MAST4: variants seen among roughly 807,000 people sequenced by gnomAD.
The protein encoded by MAST4 is microtubule-associated serine/threonine-protein kinase 4.
In MAST4, 89 loss-of-function variants were observed where a neutral mutation model predicts 162.7. The ratio of observed to expected loss-of-function variants is 0.55; its 90% confidence interval spans 0.46 to 0.65. The LOEUF (loss-of-function observed/expected upper bound fraction) is 0.65. Among genes scored for constraint, MAST4 ranks in the 30% least tolerant of loss-of-function variants. The pLI is 0.00. For synonymous variants in MAST4, 1,479 were observed against 1,361.1 expected (o/e 1.09, Z -1.91); for missense variants, 3,153 against 3,374.0 (o/e 0.93, Z 1.62).
chr5:66,859,358 A>G lies in MAST4; in HGVS notation c.643-40593A>G, dbSNP rs373306804. 1.7e-4 allele frequency among the ~76,000 whole-genome samples: 26 copies of G among 152,270 alleles called. No homozygotes were observed. In the South Asian group the frequency reaches 5.2e-3, roughly 30 times the overall value. ...GTATTTAGACATTCCTTAATACTATACTACATGTAAGTATTAAAATACTGG... is the reference window on the plus strand; with the variant it reads ...GTATTTAGACATTCCTTAATACTATGCTACATGTAAGTATTAAAATACTGG... On this transcript the variant is annotated intron_variant, in intron 3 of 28. Transcript: ENST00000403625.
intron 4 of MAST4, among the ~76,000 whole-genome samples, chr5:66,933,046 A>G (rs1201219194): frequency 2.0e-5 from 3 of 152,202 alleles, no homozygotes; most frequent in African/African-American, 7.2e-5. Flanking sequence ...ACCCATAGAC[A>G]TTGGGAAACC....
At chr5:66,818,651 G>A (rs1287662393) in intron 3 of MAST4, among the ~76,000 whole-genome samples, 1 of 152,042 alleles carries the variant, frequency 6.6e-6, no homozygotes, top group Non-Finnish European at 1.5e-5. Context: ...GTGCACATTT[G>A]GTTTTTTATT....
intron 4 of MAST4, among the ~76,000 whole-genome samples, chr5:67,008,916 T>A (rs1479056988): frequency 6.6e-6 from 1 of 152,114 alleles, no homozygotes; most frequent in African/African-American, 2.4e-5. Flanking sequence ...GTTTGATGAG[T>A]TTTTCCTTTG....
chr5:67,007,816 T>C (rs1217391635), intron 4 of MAST4, among the ~76,000 whole-genome samples: 1 of 152,218 alleles, frequency 6.6e-6, no homozygotes, highest in African/African-American at 2.4e-5. Context: ...GAGAAAAATA[T>C]TGAAGGTTTT....
At chr5:66,612,118 G>A (rs866172287) in intron 1 of MAST4, among the ~76,000 whole-genome samples, 24 of 152,206 alleles carry the variant, frequency 1.6e-4, no homozygotes, top group African/African-American at 5.3e-4. Flanking sequence ...AAATTCACAG[G>A]CTGGAGCTAT....
At chr5:67,089,008 C>T (rs1388883080) in intron 5 of MAST4, among the ~76,000 whole-genome samples, 2 of 152,192 alleles carry the variant, frequency 1.3e-5, no homozygotes, top group Non-Finnish European at 2.9e-5. Flanking sequence ...CCTTTACAGC[C>T]ATGTACTGAC....
chr5:67,099,138 T>C (rs1400817600), intron 7 of MAST4, among the ~76,000 whole-genome samples: 2 of 152,074 alleles, frequency 1.3e-5, no homozygotes, highest in African/African-American at 4.8e-5. Context: ...TTTCCTCTTA[T>C]CACCACTGCT....
At chr5:66,981,130 T>C (rs1278286653) in intron 4 of MAST4, among the ~76,000 whole-genome samples, 1 of 152,210 alleles carries the variant, frequency 6.6e-6, no homozygotes, top group Non-Finnish European at 1.5e-5. Flanking sequence ...CCTTTTCCAT[T>C]TACCTCATAA....
Position 66,788,791 on chromosome 5 carries a change from C to G in MAST4, c.639C>G (p.Ser213Arg), listed in dbSNP as rs777735509. 1 of 1,578,906 alleles carries G rather than the reference C, an allele frequency of 6.3e-7. No homozygotes were observed. ...AGTCGGCGCCCTCGCTCACCGCCAG[C>G]CTGGTGAGTGTCCGCGGGCGCCGGT... is the stretch of plus-strand genomic sequence containing the variant. ...LGQSAPSLTA[S>R]LKELSLPRRG... The change falls in exon 3 of 29, where the codon AGC becomes AGG. Residue 213 changes from serine to arginine, a missense_variant. Ser to Arg is a moderately radical substitution (Grantham distance 110). This residue lies in a region of MAST4 where 327 missense variants were observed against 336.5 expected (regional missense o/e 0.97). Coordinates refer to ENST00000403625, the MANE Select transcript of MAST4 (RefSeq NM_001164664.2).
intron 4 of MAST4, among the ~76,000 whole-genome samples, chr5:66,959,792 C>T (rs754741788): frequency 2.0e-4 from 31 of 151,890 alleles, no homozygotes; most frequent in Non-Finnish European, 3.5e-4. Flanking sequence ...CATTTAGAAT[C>T]CTCTCTGCAG....
At chr5:67,113,756 C>G (rs1766543081) in intron 11 of MAST4, among the ~76,000 whole-genome samples, 1 of 152,248 alleles carries the variant, frequency 6.6e-6, no homozygotes, top group Non-Finnish European at 1.5e-5. Context: ...TACAACTTTG[C>G]TAGAAAGGCA....
In MAST4 at chr5:66,637,241, C is replaced by CTT. The variant is rs11397237; in HGVS notation, c.363+40235_363+40236dup. ...TATTGGGCATAGGATTATTTCCATT[C>CTT]TTTTTTTTTTTTTAATGTTGCAGTT... is the stretch of plus-strand genomic sequence containing the variant. On this transcript the variant is annotated intron_variant, in intron 1 of 28. Transcript: ENST00000403625. 3.4e-3 allele frequency among the ~76,000 whole-genome samples: 494 copies of CTT among 145,652 alleles called. 3 individuals are homozygous for CTT. Among genetic ancestry groups the CTT allele is most frequent in the African/African-American group, 6.6e-3 (263 of 39,648 alleles).
At chr5:66,742,817 T>C (rs1016362737) in intron 1 of MAST4, among the ~76,000 whole-genome samples, 1 of 152,114 alleles carries the variant, frequency 6.6e-6, no homozygotes, top group African/African-American at 2.4e-5. Context: ...CAAGAACAAA[T>C]ACATGAAGGA....
intron 27 of MAST4, 82 bp from the exon 28 acceptor site, chr5:67,162,525 T>C (rs1401159137): frequency 4.6e-6 from 6 of 1,309,422 alleles, no homozygotes; most frequent in African/African-American, 2.9e-5. Context: ...CACGGAGTTA[T>C]TGAGCTGAGC....
rs1752959238 is a variant in MAST4 at position 66,748,913 on chromosome 5, G to A, written c.364-10796G>A. 2.0e-5 allele frequency among the ~76,000 whole-genome samples: 3 copies of A among 151,986 alleles called. 1 individual carries two copies. In the South Asian group the frequency reaches 6.3e-4, roughly 32 times the overall value. ...GTGGTCTAGGACTGTAGAGGTCTTGGTGGTCTGACTCAATCTATAGTTAGA... is the reference window on the plus strand; with the variant it reads ...GTGGTCTAGGACTGTAGAGGTCTTGATGGTCTGACTCAATCTATAGTTAGA... On this transcript the variant is annotated intron_variant, in intron 1 of 28. Coordinates refer to ENST00000403625, the MANE Select transcript of MAST4 (RefSeq NM_001164664.2).
chr5:67,162,718 T>G lies in MAST4; in HGVS notation c.3897T>G (p.Gly1299=), dbSNP rs746638579. Residue 1299 remains glycine, a synonymous_variant, in exon 28 of 29, where the codon GGT becomes GGG. Coordinates refer to ENST00000403625, the MANE Select transcript of MAST4 (RefSeq NM_001164664.2). ...RSLSSGESLP[G]SPTHSLSPRS... is the part of the protein sequence containing the mutation. ...TGTCATCGGGTGAGAGCCTCCCAGG[T>G]TCCCCCACTCATAGCTTGTCTCCCC... 3 of 1,613,646 alleles carry G rather than the reference T, an allele frequency of 1.9e-6. No homozygotes were observed. The African/African-American group carries it at 4.0e-5, about 22-fold the overall frequency.
intron 1 of MAST4, among the ~76,000 whole-genome samples, chr5:66,709,325 A>T (rs1169977885): frequency 6.6e-6 from 1 of 151,882 alleles, no homozygotes; most frequent in East Asian, 1.9e-4. Context: ...ATCAAAATGA[A>T]TTTTTTTTGA....
At chr5:66,925,448 C>T (rs1257247026) in intron 4 of MAST4, among the ~76,000 whole-genome samples, 2 of 152,160 alleles carry the variant, frequency 1.3e-5, no homozygotes, top group East Asian at 1.9e-4. Flanking sequence ...TTAATAGGTT[C>T]CAGTAGTCAA....
chr5:67,057,138 A>C (rs900902708), intron 5 of MAST4, among the ~76,000 whole-genome samples: 11 of 152,296 alleles, frequency 7.2e-5, no homozygotes, highest in African/African-American at 2.2e-4. Flanking sequence ...AAAAAGAAGA[A>C]AAACATGTGA....
Sources: gnomAD v4.1 joint callset for allele counts (sites outside exome capture counted in the v4.1 genomes callset) on GRCh38, gnomAD v4.1.1 for gene constraint, gnomAD v4.1.1 regional missense constraint, MANE v1.5 for transcripts, NCBI Gene and HGNC (gene_info 2026-07-23, HGNC 2026-07-21) for gene names.